Variants in TDRD9 observed in about 807,000 individuals in gnomAD.
TDRD9 encodes the protein ATP-dependent RNA helicase TDRD9.
Under a neutral mutation model 172.6 loss-of-function variants are expected in TDRD9, and 124 were observed. The observed-to-expected ratio is 0.72, with a 90% CI of 0.62 to 0.83. The LOEUF is 0.83. Ranked by LOEUF, TDRD9 falls within the 40% of genes least tolerant of loss-of-function variation. The pLI is 0.00. For missense variants in TDRD9, 1,479 were observed against 1,714.1 expected (o/e 0.86, Z 2.42); for synonymous variants, 619 against 617.1 (o/e 1.00, Z -0.05).
chr14:104,005,461 G>A, intron 15 of TDRD9, 56 bp downstream of exon 15: 1 of 1,586,026 alleles, frequency 6.3e-7, no homozygotes, highest in Non-Finnish European at 8.6e-7. Flanking sequence ...GTTCTACTGT[G>A]GCTCCCTCAG....
intron 32 of TDRD9, among the ~76,000 whole-genome samples, chr14:104,038,218 A>AAAC (rs1187637192): frequency 2.6e-5 from 4 of 152,152 alleles, no homozygotes; most frequent in Admixed American, 6.5e-5. Flanking sequence ...GGGGATCTTT[A>AAAC]AACAACAACA....
At chr14:104,020,397 G>A (rs1240974061) in intron 23 of TDRD9, among the ~76,000 whole-genome samples, 1 of 152,168 alleles carries the variant, frequency 6.6e-6, no homozygotes, top group Non-Finnish European at 1.5e-5. Context: ...ATTGCATGTG[G>A]GGGGCAAAGA....
rs549174747 is a variant in TDRD9, at chr14:103,949,033, T to C, written c.216-6631T>C. ...AGGAATAGAGGGAAATGGGGAGTTATTGTTTAATGGGTACAGAGATTGTTT... is the reference window on the plus strand; with the variant it reads ...AGGAATAGAGGGAAATGGGGAGTTACTGTTTAATGGGTACAGAGATTGTTT... On this transcript the variant is annotated intron_variant, in intron 1 of 35. Coordinates refer to ENST00000409874, the MANE Select transcript of TDRD9 (RefSeq NM_153046.3). Among the ~76,000 whole-genome samples the C allele has an allele frequency of 3.3e-5, 5 of 152,304 alleles. No individual in the cohort carries two copies. In the South Asian group the frequency reaches 1.0e-3, roughly 32 times the overall value.
chr14:103,986,783 G>A (rs1391268236), intron 8 of TDRD9, among the ~76,000 whole-genome samples: 1 of 152,082 alleles, frequency 6.6e-6, no homozygotes, highest in Non-Finnish European at 1.5e-5. Flanking sequence ...TTTCCCTGAG[G>A]AACAGTTTTA....
chr14:104,005,296 T>C lies in TDRD9; in HGVS notation c.1604T>C (p.Ile535Thr), dbSNP rs370117405. ...EMLRCPLGST[I>T]LKVKLLDMGE... is the part of the protein sequence containing the mutation. Reference sequence around the variant, plus strand: ...CAGCGTTGTCCATTAGGAAGCACGATCTTGAAAGTGAAATTACTTGACATG... The same window carrying C: ...CAGCGTTGTCCATTAGGAAGCACGACCTTGAAAGTGAAATTACTTGACATG... The change falls in exon 15 of 36, where the codon ATC becomes ACC. Residue 535 changes from isoleucine to threonine, a missense_variant. Ile to Thr is a moderately conservative substitution (Grantham distance 89, BLOSUM62 -1). Coordinates refer to ENST00000409874, the MANE Select transcript of TDRD9 (RefSeq NM_153046.3). 1.2e-6 allele frequency: 2 copies of C among 1,613,854 alleles called. No individual in the cohort carries two copies. Among genetic ancestry groups the C allele is most frequent in the African/African-American group, 1.3e-5 (1 of 74,912 alleles).
chr14:104,049,775 G>A, intron 35 of TDRD9, 95 bp downstream of exon 35: 1 of 1,063,654 alleles, frequency 9.4e-7, no homozygotes, highest in South Asian at 1.5e-5. Flanking sequence ...GGCTGGCCGA[G>A]GGTCTGAGAG....
intron 24 of TDRD9, among the ~76,000 whole-genome samples, chr14:104,023,332 C>T (rs2035022589): frequency 1.3e-5 from 2 of 151,462 alleles, no homozygotes; most frequent in African/African-American, 4.9e-5. Context: ...TAGGATTATG[C>T]ATTTTGTTTT....
Position 104,035,063 on chromosome 14 carries a change from G to T in TDRD9, c.3716+7G>T. On this transcript the variant is annotated splice_region_variant and intron_variant, in intron 32 of 35. Transcript: ENST00000409874. ...CACCGGTGATAGAGTTAAGGTACGG[G>T]CATCCCTCTTGTCTATAGGCTTTGT... The T allele has an allele frequency of 6.5e-7, 1 of 1,549,074 alleles. No individual in the cohort carries two copies. The highest frequency in any genetic ancestry group is 8.7e-7 in the Non-Finnish European group (1 of 1,144,940).
At chr14:103,947,846 GGCAACAAAA>G (rs887656991) in intron 1 of TDRD9, among the ~76,000 whole-genome samples, 12 of 152,096 alleles carry the variant, frequency 7.9e-5, no homozygotes, top group African/African-American at 2.9e-4. Context: ...CAAAGGCACA[GGCAACAAAA>G]GAAGAAAGAC....
chr14:103,928,474 C>G lies in TDRD9; in HGVS notation c.-36C>G, dbSNP rs986028599. On this transcript the variant is annotated 5_prime_UTR_variant, in exon 1 of 36. Coordinates refer to ENST00000409874, the MANE Select transcript of TDRD9 (RefSeq NM_153046.3). ...GTCGCCTGTTCCCGCCGCGGAGACCCGGCAGTTGGGGGATGCCGACGCCTG... is the reference window on the plus strand; with the variant it reads ...GTCGCCTGTTCCCGCCGCGGAGACCGGGCAGTTGGGGGATGCCGACGCCTG... The G allele has an allele frequency of 6.3e-6, 9 of 1,426,948 alleles. No individual in the cohort carries two copies. Among genetic ancestry groups the G allele is most frequent in the Non-Finnish European group, 8.3e-6 (9 of 1,080,684 alleles). 88.4% of individuals were successfully genotyped at this position (1,426,948 alleles called of 1,614,324 possible). A position where few individuals can be genotyped will look rare whatever the true frequency, so the allele number is the denominator to read the frequency against.
At chr14:103,958,293 G>A (rs188471235) in intron 2 of TDRD9, among the ~76,000 whole-genome samples, 35 of 152,296 alleles carry the variant, frequency 2.3e-4, no homozygotes, top group Non-Finnish European at 3.5e-4. Flanking sequence ...GAGGCAGTGT[G>A]GGGGTGCAGG....
chr14:104,041,558 C>CGA (rs1958478284), intron 33 of TDRD9, among the ~76,000 whole-genome samples: 1 of 152,152 alleles, frequency 6.6e-6, no homozygotes, highest in Admixed American at 6.5e-5. Flanking sequence ...AATTAAAATA[C>CGA]GGATGACAGT....
chr14:103,982,130 C>T (rs1036658659), intron 7 of TDRD9, among the ~76,000 whole-genome samples: 2 of 152,228 alleles, frequency 1.3e-5, no homozygotes, highest in African/African-American at 4.8e-5. Context: ...TTCTTACCTT[C>T]TTAGGGACCT....
At chr14:103,995,458 C>G (rs1214007868) in intron 11 of TDRD9, among the ~76,000 whole-genome samples, 2 of 152,182 alleles carry the variant, frequency 1.3e-5, no homozygotes, top group Admixed American at 6.5e-5. Context: ...TTCCAGGACC[C>G]CTCTCCACCC....
chr14:104,032,399 G>T (rs1271382657), intron 30 of TDRD9, among the ~76,000 whole-genome samples: 1 of 152,092 alleles, frequency 6.6e-6, no homozygotes, highest in Non-Finnish European at 1.5e-5. Flanking sequence ...TACAGACGGG[G>T]TTTCACCACG....
chr14:103,977,536 T>C (rs966956588), intron 7 of TDRD9, among the ~76,000 whole-genome samples: 1 of 149,294 alleles, frequency 6.7e-6, no homozygotes, highest in Non-Finnish European at 1.5e-5. Flanking sequence ...GGATTGTTTT[T>C]TGCTGTTGAG....
intron 33 of TDRD9, 97 bp from the exon 34 acceptor site, chr14:104,041,972 C>T (rs544878663): frequency 7.2e-6 from 6 of 838,136 alleles, no homozygotes; most frequent in Non-Finnish European, 1.2e-5. Flanking sequence ...ATACTGATGA[C>T]AGAGAATACT....
intron 13 of TDRD9, among the ~76,000 whole-genome samples, chr14:104,003,588 A>ACCC (rs1002690885): frequency 6.6e-5 from 10 of 151,976 alleles, no homozygotes; most frequent in African/African-American, 2.2e-4. Context: ...ACTCCCTCCT[A>ACCC]CCCCTCCCTT....
intron 5 of TDRD9, among the ~76,000 whole-genome samples, chr14:103,969,823 G>T (rs2032939639): frequency 6.6e-6 from 1 of 151,504 alleles, no homozygotes; most frequent in Non-Finnish European, 1.5e-5. Context: ...CTGGGGTGGG[G>T]CGGGGTGGGG....
Sources: allele counts gnomAD v4.1 joint callset (sites outside exome capture counted in the v4.1 genomes callset), GRCh38; gene constraint gnomAD v4.1.1; transcripts MANE v1.5; gene names NCBI Gene and HGNC (gene_info 2026-07-23, HGNC 2026-07-21).